The following BRD4 variants were observed in gnomAD, a reference collection of about 807,000 sequenced individuals.
BRD4 encodes bromodomain containing 4.
BRD4 carries 16 observed loss-of-function variants against 142.1 expected under a neutral mutation model. The ratio of observed to expected loss-of-function variants is 0.11; its 90% CI spans 0.08 to 0.17. BRD4 has a LOEUF of 0.17. Among genes scored for constraint, BRD4 ranks in the 10% least tolerant of loss-of-function variants. The pLI, the probability that BRD4 is intolerant of heterozygous loss-of-function variation, is 1.00. For synonymous variants in BRD4, 833 were observed against 707.5 expected (o/e 1.18, Z -2.82); for missense variants, 1,424 against 1,810.9 (o/e 0.79, Z 3.88).
At chr19:15,313,693 A>C (rs6512022) in intron 1 of BRD4, among the ~76,000 whole-genome samples, 119,002 of 152,080 alleles carry the variant, frequency 0.78, 47,316 homozygotes, top group African/African-American at 0.94. Flanking sequence ...GTGTGAATGT[A>C]ATGATTTAGT....
At chr19:15,246,299 C>T (rs559238948) in intron 11 of BRD4, among the ~76,000 whole-genome samples, 5 of 152,238 alleles carry the variant, frequency 3.3e-5, no homozygotes, top group South Asian at 4.1e-4. Flanking sequence ...GGAGCGCTGG[C>T]TGCAGAGGTT....
chr19:15,291,653 CCT>C (rs769649240), intron 1 of BRD4, among the ~76,000 whole-genome samples: 3 of 152,090 alleles, frequency 2.0e-5, no homozygotes, highest in Non-Finnish European at 4.4e-5. Flanking sequence ...AGCTGGTTCC[CCT>C]GATATATAAC....
Position 15,238,068 on chromosome 19 carries a change from G to C in BRD4, c.*309C>G. 2.3e-6 allele frequency: 1 copy of C among 426,544 alleles called. No individual in the cohort carries two copies. The highest frequency in any genetic ancestry group is 4.3e-6 in the Non-Finnish European group (1 of 233,174). The allele number at this position is 426,544 out of a possible 1,614,324, so 26.4% of individuals were successfully genotyped here. ...ATACTGTGTAGACATTTGGCGGAGA[G>C]AAGGGCCTCTGCCCCGCATGTGGGG... On this transcript the variant is annotated 3_prime_UTR_variant, in exon 20 of 20. Coordinates refer to ENST00000679869, the MANE Select transcript of BRD4 (RefSeq NM_001379291.1). This position sits in a 1 kb window ranked among gnomAD's most constrained non-coding sequence, Gnocchi z 7.2.
chr19:15,250,517 G>GA (rs1390659026), intron 11 of BRD4, among the ~76,000 whole-genome samples: 1 of 152,166 alleles, frequency 6.6e-6, no homozygotes, highest in Non-Finnish European at 1.5e-5. Context: ...GAGCTATTAA[G>GA]AAACACCCAC....
At chr19:15,288,009 C>G (rs2047753123) in intron 1 of BRD4, among the ~76,000 whole-genome samples, 5 of 152,032 alleles carry the variant, frequency 3.3e-5, no homozygotes, top group Admixed American at 2.6e-4. Context: ...CTTAGATGAT[C>G]TGCCCACCTC....
At chr19:15,253,949 G>A (rs2047377839) in intron 11 of BRD4, 27 of 711,550 alleles carry the variant, frequency 3.8e-5, no homozygotes, top group Middle Eastern at 3.9e-4. Flanking sequence ...CGGCCAGGCC[G>A]AGAGAATGGA....
chr19:15,251,854 G>A (rs891141702), intron 11 of BRD4, among the ~76,000 whole-genome samples: 1 of 152,198 alleles, frequency 6.6e-6, no homozygotes, highest in African/African-American at 2.4e-5. Context: ...AGACAAAAGG[G>A]AGCCAGGCAA....
chr19:15,287,486 A>G (rs1311878466), intron 1 of BRD4, among the ~76,000 whole-genome samples: 3 of 152,074 alleles, frequency 2.0e-5, no homozygotes, highest in Admixed American at 6.5e-5. Flanking sequence ...CTCAAGCAAT[A>G]TTCCTGCCTC....
chr19:15,292,641 G>A (rs2047790830), intron 1 of BRD4, among the ~76,000 whole-genome samples: 2 of 151,728 alleles, frequency 1.3e-5, no homozygotes, highest in South Asian at 2.1e-4. Context: ...AGCTGGGCGT[G>A]GTGGCGGGCA....
At position 15,251,511 on chromosome 19, in the gene BRD4, T is replaced by C. The variant is rs527918627; in HGVS notation, c.2158+2641A>G. On this transcript the variant is annotated intron_variant, in intron 11 of 19. Coordinates refer to ENST00000679869, the MANE Select transcript of BRD4 (RefSeq NM_001379291.1). ...ACCAAAAGACCAAAGGGAAATAATG[T>C]TCCCCCACCCTGACCCACTCCCGTT... is the stretch of plus-strand genomic sequence containing the variant. Among the ~76,000 whole-genome samples the C allele has an allele frequency of 8.1e-4, 103 of 127,462 alleles. 1 individual carries two copies. Among genetic ancestry groups the C allele is most frequent in the Non-Finnish European group, 1.2e-3 (77 of 62,772 alleles). 83.6% of individuals were successfully genotyped at this position (127,462 alleles called of 152,430 possible).
At chr19:15,300,284 G>A (rs1392327237) in intron 1 of BRD4, among the ~76,000 whole-genome samples, 1 of 151,960 alleles carries the variant, frequency 6.6e-6, no homozygotes, top group African/African-American at 2.4e-5. Flanking sequence ...TGTGTCGGCT[G>A]GGTGTGGTGG....
intron 1 of BRD4, among the ~76,000 whole-genome samples, chr19:15,296,767 A>G (rs936291930): frequency 1.3e-5 from 2 of 152,224 alleles, no homozygotes; most frequent in African/African-American, 4.8e-5. Flanking sequence ...AAAGGGAGAC[A>G]AATCAACTTA....
intron 1 of BRD4, among the ~76,000 whole-genome samples, chr19:15,298,196 G>A (rs2047839154): frequency 6.6e-6 from 1 of 152,234 alleles, no homozygotes; most frequent in Non-Finnish European, 1.5e-5. Flanking sequence ...ACGGGTGGAG[G>A]TCCACAAACA....
intron 1 of BRD4, among the ~76,000 whole-genome samples, chr19:15,299,635 C>A (rs2047851753): frequency 6.6e-6 from 1 of 152,198 alleles, no homozygotes; most frequent in Non-Finnish European, 1.5e-5. Flanking sequence ...ACACACAGAA[C>A]AGGGACACAT....
intron 1 of BRD4, among the ~76,000 whole-genome samples, chr19:15,320,606 ACTTT>A (rs1292769812): frequency 1.3e-5 from 2 of 152,132 alleles, no homozygotes; most frequent in Admixed American, 1.3e-4. Flanking sequence ...TTTCCTGAAC[ACTTT>A]AAGCTGGTCT....
intron 1 of BRD4, among the ~76,000 whole-genome samples, chr19:15,283,305 T>A (rs1481680918): frequency 1.3e-5 from 2 of 152,126 alleles, no homozygotes; most frequent in Non-Finnish European, 1.5e-5. Flanking sequence ...GATAATACAC[T>A]CCTGGGCTGC....
chr19:15,281,161 G>T (rs914107181), intron 1 of BRD4, among the ~76,000 whole-genome samples: 3 of 152,252 alleles, frequency 2.0e-5, no homozygotes, highest in Admixed American at 6.5e-5. Flanking sequence ...GCCAGTGGCC[G>T]TGCGCCGAGG....
chr19:15,302,455 G>T (rs1033180638), intron 1 of BRD4, among the ~76,000 whole-genome samples: 1 of 152,070 alleles, frequency 6.6e-6, no homozygotes, highest in Non-Finnish European at 1.5e-5. Context: ...TGGCTCACGA[G>T]GTCAACAGAT....
chr19:15,253,464 C>T (rs1056006011), intron 11 of BRD4: 2 of 1,280,176 alleles, frequency 1.6e-6, no homozygotes, highest in Non-Finnish European at 2.2e-6. Context: ...CAGGGTCCAA[C>T]GTGCAGACCC....
Sources: allele counts gnomAD v4.1 joint callset (sites outside exome capture counted in the v4.1 genomes callset), GRCh38; gene constraint gnomAD v4.1.1; non-coding constraint Gnocchi (gnomAD v3.1); transcripts MANE v1.5; gene names NCBI Gene and HGNC (gene_info 2026-07-23, HGNC 2026-07-21).